The following HAUS7 variants were observed in gnomAD, a reference collection of about 807,000 sequenced individuals.
HAUS7 encodes HAUS augmin-like complex subunit 7.
Under a neutral mutation model 28.4 loss-of-function variants are expected in HAUS7, and 3 were observed. That is an observed-to-expected ratio of 0.11 (90% CI 0.05 to 0.27). The LOEUF is 0.27. Among genes scored for constraint, HAUS7 ranks in the 10% least tolerant of loss-of-function variants. The pLI is 1.00. For synonymous variants in HAUS7, 165 were observed against 132.1 expected, an observed-to-expected ratio of 1.25 and a Z score of -1.71; for missense variants, 284 against 297.3, an observed-to-expected ratio of 0.96 and a Z score of 0.33.
At chrX:153,463,150 C>T (rs782273298) in intron 3 of HAUS7, 3 of 328,770 alleles carry the variant, frequency 9.1e-6, no homozygotes, top group East Asian at 9.8e-5. Context: ...AACCTGGCGC[C>T]GTGCACACTG....
intron 1 of HAUS7, among the ~76,000 whole-genome samples, chrX:153,485,019 C>A (rs1361502259): frequency 8.9e-6 from 1 of 112,905 alleles, no homozygotes; most frequent in East Asian, 2.8e-4. Context: ...GCCTCACCAC[C>A]CTCTGCCCTT....
chrX:153,478,198 G>A (rs1336584876), intron 1 of HAUS7, among the ~76,000 whole-genome samples: 1 of 112,735 alleles, frequency 8.9e-6, no homozygotes, highest in Non-Finnish European at 1.9e-5. Flanking sequence ...GCCAGCCCCC[G>A]CCTGCCTGCT....
rs1459847713 is a variant in HAUS7 at position 153,455,115 on chromosome X, G to A, written c.930+427C>T. On this transcript the variant is annotated intron_variant, in intron 8 of 9. Transcript: ENST00000370211. ...GAGCCCACTTCCTCTCATCCTGTCT[G>A]AGCAGGCTCATGGGCAGACAGGCAG... The A allele has an allele frequency of 4.3e-6, 3 of 699,836 alleles. No homozygotes were observed. The East Asian group carries it at 1.9e-4, about 45-fold the overall frequency. 57.7% of individuals were successfully genotyped at this position (699,836 alleles called of 1,213,427 possible).
intron 1 of HAUS7, among the ~76,000 whole-genome samples, chrX:153,483,951 A>C (rs17434): frequency 0.026 from 2,889 of 111,946 alleles, 94 homozygotes; most frequent in African/African-American, 0.088. Flanking sequence ...AAGTGCATGC[A>C]TGTCCTGGGG....
chrX:153,471,628 C>T (rs1262126222), upstream of HAUS7, among the ~76,000 whole-genome samples: 3 of 112,812 alleles, frequency 2.7e-5, no homozygotes, highest in Non-Finnish European at 5.6e-5. Context: ...CAGCAGGCAG[C>T]TGCCACTGTG....
rs199969589 is a variant in HAUS7, at chrX:153,487,278, C to CGAT, written c.-589+8095_-589+8096insATC. 4.1e-3 allele frequency among the ~76,000 whole-genome samples: 463 copies of CGAT among 112,059 alleles called. 4 individuals carry two copies. The highest frequency in any genetic ancestry group is 0.014 in the African/African-American group (437 of 30,813). On this transcript the variant is annotated intron_variant, in intron 1 of 5. Coordinates refer to the HAUS7 transcript ENST00000370210. ...CCACCCTTGCTTGGGGCAGCATCTGCACCTGATCCGTCTCATCCCTATCCT... is the reference window on the plus strand; with the variant it reads ...CCACCCTTGCTTGGGGCAGCATCTGCGATACCTGATCCGTCTCATCCCTATCCT...
chrX:153,492,208 C>T (rs2089675638), intron 1 of HAUS7, among the ~76,000 whole-genome samples: 1 of 113,621 alleles, frequency 8.8e-6, no homozygotes, highest in Admixed American at 9.2e-5. Context: ...GAAGGCTGCC[C>T]GCCCGCCAGC....
At chrX:153,453,800 T>G (rs1416057025) in intron 9 of HAUS7, among the ~76,000 whole-genome samples, 1 of 109,312 alleles carries the variant, frequency 9.1e-6, no homozygotes, top group African/African-American at 3.3e-5. Flanking sequence ...TTATAAGCCT[T>G]TTCCCATTTT....
chrX:153,461,307 G>A (rs1382469533), intron 4 of HAUS7, among the ~76,000 whole-genome samples: 1 of 111,719 alleles, frequency 9.0e-6, no homozygotes, highest in Admixed American at 9.5e-5. Flanking sequence ...AAGACTCACT[G>A]GATATGGACT....
intron 4 of HAUS7, among the ~76,000 whole-genome samples, chrX:153,457,584 T>A (rs145518470): frequency 0.013 from 1,508 of 112,968 alleles, 12 homozygotes; most frequent in Non-Finnish European, 0.022. Flanking sequence ...CAGGGACACC[T>A]CCAGGACAAG....
chrX:153,471,163 TTTC>T (rs1556985293), upstream of HAUS7: 2 of 263,648 alleles, frequency 7.6e-6, no homozygotes, highest in African/African-American at 5.6e-5. Context: ...TAGAAGGAAA[TTTC>T]TTGTCACTCA....
intron 1 of HAUS7, chrX:153,486,017 A>G: frequency 1.0e-6 from 1 of 977,599 alleles, no homozygotes; most frequent in Non-Finnish European, 1.3e-6. Flanking sequence ...CCTGGATCAT[A>G]ACCAGGTGCA....
intron 9 of HAUS7, among the ~76,000 whole-genome samples, chrX:153,451,945 T>G (rs782358485): frequency 8.9e-6 from 1 of 111,958 alleles, no homozygotes; most frequent in South Asian, 3.7e-4. Context: ...AAAACATGAA[T>G]GACGACACAT....
At chrX:153,481,580 G>A (rs1204659508) in intron 1 of HAUS7, 11 of 756,320 alleles carry the variant, frequency 1.5e-5, no homozygotes, top group Non-Finnish European at 1.7e-5. Context: ...GTCATCGCCT[G>A]TGGCAATGTC....
At chrX:153,450,455 C>T (rs1482813482) in intron 9 of HAUS7, among the ~76,000 whole-genome samples, 1 of 112,236 alleles carries the variant, frequency 8.9e-6, no homozygotes, top group East Asian at 2.8e-4. Context: ...CCTGGCACCC[C>T]GCTGCCCCTT....
intron 1 of HAUS7, among the ~76,000 whole-genome samples, chrX:153,489,388 G>A (rs1026140160): frequency 8.9e-6 from 1 of 112,927 alleles, no homozygotes; most frequent in Non-Finnish European, 1.9e-5. Flanking sequence ...TGATTACTGT[G>A]CTCCTCCTCT....
At chrX:153,472,419 C>CCACCACCCACCACG (rs2089532679), upstream of HAUS7, among the ~76,000 whole-genome samples, 2 of 64,634 alleles carry the variant, frequency 3.1e-5, no homozygotes, top group African/African-American at 6.3e-5. Context: ...CCACGCCACC[C>CCACCACCCACCACG]CACCACCCAC....
intron 2 of HAUS7, among the ~76,000 whole-genome samples, chrX:153,465,918 T>C (rs1424859775): frequency 8.9e-6 from 1 of 112,510 alleles, no homozygotes; most frequent in Admixed American, 9.3e-5. Context: ...CCCAGGCACC[T>C]GCCACCACAG....
intron 1 of HAUS7, among the ~76,000 whole-genome samples, chrX:153,478,406 T>C (rs1229408715): frequency 1.8e-5 from 2 of 112,184 alleles, no homozygotes; most frequent in Non-Finnish European, 3.8e-5. Context: ...CCAGCCTATT[T>C]TCCACCTCAT....
Sources: allele counts gnomAD v4.1 joint callset (sites outside exome capture counted in the v4.1 genomes callset), GRCh38; gene constraint gnomAD v4.1.1; transcripts MANE v1.5; gene names NCBI Gene and HGNC (gene_info 2026-07-23, HGNC 2026-07-21).